The following DOK7 variants were observed in gnomAD, a reference collection of about 807,000 sequenced individuals.
The protein encoded by DOK7 is docking protein 7, also known as protein Dok-7.
DOK7 carries 32 observed loss-of-function variants against 30.7 expected under a neutral mutation model. That is an observed-to-expected ratio of 1.04 (90% CI 0.79 to 1.40). The LOEUF (loss-of-function observed/expected upper bound fraction) is 1.40. DOK7 is among the 40% of genes most tolerant of loss of function. The pLI is 0.00. For missense variants in DOK7, 1,007 were observed against 699.2 expected (o/e 1.44, Z -4.97); for synonymous variants, 447 against 324.1 (o/e 1.38, Z -4.07).
chr4:3,479,878 T>C (rs998403640), intron 4 of DOK7, among the ~76,000 whole-genome samples: 1 of 152,202 alleles, frequency 6.6e-6, no homozygotes, highest in African/African-American at 2.4e-5. Flanking sequence ...CACGGGCCTG[T>C]AGTGTGGACT....
rs139596020 is a variant in DOK7, at chr4:3,471,090, C to T, written c.101-2316C>T. ...GCCAGTGTGTGCCCCTTGCTGAGCA[C>T]TGAGGGTGAGCCATGGGTCACCTGG... On this transcript the variant is annotated intron_variant, in intron 2 of 6. Coordinates refer to ENST00000340083, the MANE Select transcript of DOK7 (RefSeq NM_173660.5). Among the ~76,000 whole-genome samples, 390 of 152,370 alleles carry T rather than the reference C, an allele frequency of 2.6e-3. 1 individual carries two copies. The highest frequency in any genetic ancestry group is 0.014 in the Middle Eastern group (4 of 294).
chr4:3,469,335 G>T (rs1380372071), intron 2 of DOK7, among the ~76,000 whole-genome samples: 7 of 152,124 alleles, frequency 4.6e-5, no homozygotes, highest in Non-Finnish European at 8.8e-5. Context: ...ACCCAGCCCA[G>T]TGCTGCCTGC....
rs376086301 is a variant in DOK7, at chr4:3,468,516, ATGAG to A, written c.101-4887_101-4884del. Among the ~76,000 whole-genome samples the A allele has an allele frequency of 6.3e-3, 676 of 106,788 alleles. 4 individuals carry two copies. Among genetic ancestry groups the A allele is most frequent in the African/African-American group, 8.3e-3 (214 of 25,630 alleles). The allele number at this position is 106,788 out of a possible 152,430, so 70.1% of individuals were successfully genotyped here. A position where few individuals can be genotyped will look rare whatever the true frequency, so the allele number is the denominator to read the frequency against. ...AGTGTGCATGTGCGTGTGTGCGTGT[ATGAG>A]TGTGTGTGACTGTGAGTGTATGTGT... On this transcript the variant is annotated intron_variant, in intron 2 of 6. Coordinates refer to ENST00000340083, the MANE Select transcript of DOK7 (RefSeq NM_173660.5).
In DOK7 at chr4:3,493,433, G is replaced by T. The variant is rs915179362; in HGVS notation, c.1447G>T (p.Gly483Trp). The stretch of plus-strand genomic sequence containing the variant: ...CTGGGAAGCAGGCGGCCCCCACGCG[G>T]GGCCACCCCCGGCTTTCTTTTCGGC... The part of the protein sequence containing the change: ...EPWEAGGPHA[G>W]PPPAFFSACP... Residue 483 changes from glycine (G) to tryptophan (W), a missense_variant, in exon 7 of 7, where the codon GGG becomes TGG. Gly to Trp is a radical substitution (Grantham distance 184). Coordinates refer to ENST00000340083, the MANE Select transcript of DOK7 (RefSeq NM_173660.5). 1.2e-5 allele frequency: 19 copies of T among 1,605,094 alleles called. No individual in the cohort carries two copies. The highest frequency in any genetic ancestry group is 1.4e-5 in the Non-Finnish European group (17 of 1,176,264).
At position 3,494,039 on chromosome 4, in the gene DOK7, G is replaced by A; in HGVS notation, c.*538G>A. Reference sequence around the variant, plus strand: ...CTGGGCCTCATCCCCATCTATGGGAGGAAACTGAAGCTCAGGAGGCTGTGT... The same window carrying A: ...CTGGGCCTCATCCCCATCTATGGGAAGAAACTGAAGCTCAGGAGGCTGTGT... On this transcript the variant is annotated 3_prime_UTR_variant, in exon 7 of 7. Transcript: ENST00000340083. 1.0e-6 allele frequency: 1 copy of A among 988,414 alleles called. No homozygotes were observed. The highest frequency in any genetic ancestry group is 1.2e-6 in the Non-Finnish European group (1 of 832,130). 61.2% of individuals were successfully genotyped at this position (988,414 alleles called of 1,614,324 possible). A position where few individuals can be genotyped will look rare whatever the true frequency, so the allele number is the denominator to read the frequency against.
chr4:3,480,832 C>G (rs1177817437), intron 4 of DOK7, among the ~76,000 whole-genome samples: 1 of 152,064 alleles, frequency 6.6e-6, no homozygotes, highest in South Asian at 2.1e-4. Flanking sequence ...TCAGACGGTC[C>G]GGCCTCAGAG....
downstream of DOK7, among the ~76,000 whole-genome samples, chr4:3,495,537 G>C (rs1375967629): frequency 6.6e-6 from 1 of 152,248 alleles, no homozygotes; most frequent in African/African-American, 2.4e-5. Context: ...ATGCTCGTGA[G>C]TGGGCCTCGC....
chr4:3,478,565 T>C (rs79843691), intron 4 of DOK7, among the ~76,000 whole-genome samples: 14,392 of 95,872 alleles, frequency 0.15, 1,029 homozygotes, highest in East Asian at 0.22. Flanking sequence ...ACCTGCAGAC[T>C]GGGCTGGCCC....
At chr4:3,478,643 G>A (rs879766296) in intron 4 of DOK7, among the ~76,000 whole-genome samples, 7 of 152,238 alleles carry the variant, frequency 4.6e-5, no homozygotes, top group Non-Finnish European at 8.8e-5. Flanking sequence ...GAATGTTCTC[G>A]TCCCCGGTGG....
downstream of DOK7, among the ~76,000 whole-genome samples, chr4:3,497,728 G>A (rs1355535138): frequency 6.6e-6 from 1 of 152,074 alleles, no homozygotes; most frequent in African/African-American, 2.4e-5. Flanking sequence ...CAGGCCTGGA[G>A]GGGACAGTCA....
chr4:3,467,910 C>T (rs75709916), intron 2 of DOK7, among the ~76,000 whole-genome samples: 3,356 of 152,176 alleles, frequency 0.022, 127 homozygotes, highest in African/African-American at 0.077. Context: ...GCCCTGGGGC[C>T]CCCTCATCAG....
intron 6 of DOK7, among the ~76,000 whole-genome samples, chr4:3,490,564 G>C (rs1449633245): frequency 7.0e-4 from 33 of 47,038 alleles, no homozygotes; most frequent in African/African-American, 3.2e-3. Context: ...CTGCTCATTC[G>C]TTTTTTCCTT....
intron 3 of DOK7, 27 bp downstream of exon 3, chr4:3,473,663 G>T: frequency 1.3e-6 from 2 of 1,519,438 alleles, no homozygotes; most frequent in Non-Finnish European, 8.9e-7. Context: ...GGGGCCGGGC[G>T]GGGGCTCCCC....
intron 2 of DOK7, among the ~76,000 whole-genome samples, chr4:3,466,565 G>A (rs987007168): frequency 4.6e-5 from 7 of 152,210 alleles, no homozygotes; most frequent in South Asian, 2.1e-4. Flanking sequence ...AAGACCGGGC[G>A]TGGGTGGTGG....
intron 2 of DOK7, among the ~76,000 whole-genome samples, chr4:3,468,974 A>G (rs1483083408): frequency 8.0e-6 from 1 of 124,542 alleles, no homozygotes; most frequent in Non-Finnish European, 1.7e-5. Context: ...GTATGAGTGT[A>G]CGTGTGCCTG....
intron 4 of DOK7, among the ~76,000 whole-genome samples, chr4:3,477,071 CCTCA>C (rs10618321): frequency 0.43 from 65,015 of 151,806 alleles, 14,197 homozygotes; most frequent in African/African-American, 0.49. Context: ...TGAGAGCTGT[CCTCA>C]CTCAGCCAGG....
At chr4:3,476,250 C>A in intron 3 of DOK7, 92 bp from the exon 4 acceptor site, 1 of 623,020 alleles carries the variant, frequency 1.6e-6, no homozygotes, top group Non-Finnish European at 2.3e-6. Context: ...CCCTCTCACC[C>A]CACCCGCCCG....
chr4:3,488,109 G>A (rs1187147369), intron 5 of DOK7, among the ~76,000 whole-genome samples: 1 of 152,252 alleles, frequency 6.6e-6, no homozygotes, highest in African/African-American at 2.4e-5. Flanking sequence ...GGCAGGGAGG[G>A]GACAGGAGAG....
At position 3,492,807 on chromosome 4, in the gene DOK7, A is replaced by C. The variant is rs1372127333; in HGVS notation, c.821A>C (p.Asp274Ala). Residue 274 changes from aspartate (D) to alanine (A), a missense_variant, in exon 7 of 7, where the codon GAC becomes GCC. Transcript: ENST00000340083. ...SSSSSEASHL[D>A]VSASSRLTAW... ...TCATCCTCAGAGGCCAGTCACTTGG[A>C]CGTCAGCGCCAGCAGCCGGCTCACC... 2.5e-6 allele frequency: 4 copies of C among 1,612,676 alleles called. No homozygotes were observed. Among genetic ancestry groups the C allele is most frequent in the Non-Finnish European group, 3.4e-6 (4 of 1,179,938 alleles).
Sources: gnomAD v4.1 joint callset for allele counts (sites outside exome capture counted in the v4.1 genomes callset) on GRCh38, gnomAD v4.1.1 for gene constraint, MANE v1.5 for transcripts, NCBI Gene and HGNC (gene_info 2026-07-23, HGNC 2026-07-21) for gene names.